BTAF1: variants seen among roughly 807,000 people sequenced by gnomAD.
BTAF1 encodes the protein TATA-binding protein-associated factor 172.
Under a neutral mutation model 227.1 loss-of-function variants are expected in BTAF1, and 38 were observed. The observed-to-expected ratio is 0.17, with a 90% confidence interval of 0.13 to 0.22. BTAF1 has a LOEUF of 0.22. BTAF1 is among the 10% of genes least tolerant of loss of function. BTAF1 has a pLI of 1.00. For synonymous variants in BTAF1, 742 were observed against 751.9 expected (o/e 0.99, Z 0.21); for missense variants, 1,598 against 2,204.0 (o/e 0.73, Z 5.51).
chr10:91,960,317 A>C (rs1032506681), intron 11 of BTAF1, among the ~76,000 whole-genome samples, 163 bp downstream of exon 11: 1 of 152,230 alleles, frequency 6.6e-6, no homozygotes, highest in Non-Finnish European at 1.5e-5. Flanking sequence ...GGTGGCGCTC[A>C]TAAGAATTTA....
At chr10:91,956,925 G>A (rs1017634659) in intron 7 of BTAF1, among the ~76,000 whole-genome samples, 1 of 152,098 alleles carries the variant, frequency 6.6e-6, no homozygotes, top group African/African-American at 2.4e-5. Flanking sequence ...GGGAGGCCGA[G>A]GTTGCAGTGA....
chr10:92,003,155 C>CAA lies in BTAF1; in HGVS notation c.3661-4954_3661-4953dup, dbSNP rs35416792. 3.2e-3 allele frequency among the ~76,000 whole-genome samples: 456 copies of CAA among 141,108 alleles called. 4 individuals carry two copies. The highest frequency in any genetic ancestry group is 0.011 in the Middle Eastern group (3 of 268). 92.6% of individuals were successfully genotyped at this position (141,108 alleles called of 152,430 possible). On this transcript the variant is annotated intron_variant, in intron 25 of 37. Coordinates refer to ENST00000265990, the MANE Select transcript of BTAF1 (RefSeq NM_003972.3). ...TGGGCGACAGAGTGAGACTCCGTCT[C>CAA]AAAAAAAAAAAAAAAGTTACGGCGT...
intron 20 of BTAF1, among the ~76,000 whole-genome samples, chr10:91,991,279 T>TATATATATATATATATATATATATAA (rs1256838673): frequency 0.053 from 5,202 of 97,630 alleles, 345 homozygotes; most frequent in Non-Finnish European, 0.092. Flanking sequence ...TAAATATATA[T>TATATATATATATATATATATATATAA]ATATATATAT....
At chr10:91,995,641 A>G (rs1465338005) in intron 23 of BTAF1, among the ~76,000 whole-genome samples, 1 of 151,536 alleles carries the variant, frequency 6.6e-6, no homozygotes, top group African/African-American at 2.4e-5. Context: ...GCGCCACTGC[A>G]CTCTAGCCTA....
intron 14 of BTAF1, 38 bp downstream of exon 14, chr10:91,966,795 T>C (rs1589830091): frequency 6.4e-7 from 1 of 1,566,528 alleles, no homozygotes; most frequent in East Asian, 2.3e-5. Flanking sequence ...GAAACTTATA[T>C]AAATTAATTT....
intron 1 of BTAF1, among the ~76,000 whole-genome samples, chr10:91,931,918 C>G (rs1177603929): frequency 2.0e-5 from 3 of 152,146 alleles, no homozygotes; most frequent in Non-Finnish European, 4.4e-5. Context: ...TTCCTCTATT[C>G]AGGGAGGCAA....
intron 25 of BTAF1, among the ~76,000 whole-genome samples, chr10:92,001,928 C>G (rs1251284652): frequency 1.8e-5 from 2 of 110,356 alleles, no homozygotes; most frequent in African/African-American, 7.1e-5. Flanking sequence ...CCCTGGACAA[C>G]ATGGTGAAAC....
intron 20 of BTAF1, among the ~76,000 whole-genome samples, chr10:91,991,227 C>G (rs1369226980): frequency 8.4e-6 from 1 of 119,074 alleles, no homozygotes; most frequent in African/African-American, 2.7e-5. Flanking sequence ...GCCTGGGCGA[C>G]AGGGCGAGAC....
intron 2 of BTAF1, among the ~76,000 whole-genome samples, chr10:91,939,649 G>A (rs1423807815): frequency 6.6e-6 from 1 of 152,144 alleles, no homozygotes; most frequent in Non-Finnish European, 1.5e-5. Context: ...TGTTGGCCAA[G>A]CTGGTCTTGA....
chr10:91,980,386 T>G, intron 14 of BTAF1, 68 bp from the exon 15 acceptor site: 1 of 1,159,436 alleles, frequency 8.6e-7, no homozygotes, highest in Non-Finnish European at 1.3e-6. Flanking sequence ...ATTTGACATA[T>G]AATTCTTCAG....
At chr10:91,948,301 T>A (rs1845526407) in intron 4 of BTAF1, among the ~76,000 whole-genome samples, 1 of 152,086 alleles carries the variant, frequency 6.6e-6, no homozygotes, top group Admixed American at 6.6e-5. Flanking sequence ...TTATCTTCCA[T>A]TAAGCTGTTA....
In BTAF1 at chr10:92,026,581, T is replaced by C. The variant is rs377726437; in HGVS notation, c.5076-11T>C. The C allele has an allele frequency of 1.1e-5, 18 of 1,589,170 alleles. No individual in the cohort carries two copies. Among genetic ancestry groups the C allele is most frequent in the South Asian group, 1.1e-4 (10 of 88,566 alleles). On this transcript the variant is annotated splice_polypyrimidine_tract_variant and intron_variant, in intron 35 of 37. Coordinates refer to ENST00000265990, the MANE Select transcript of BTAF1 (RefSeq NM_003972.3). ...GAATGGACTAATTTTATTTTTGTTATCTACTTTTAGGTTTAATAATGATCC... is the reference window on the plus strand; with the variant it reads ...GAATGGACTAATTTTATTTTTGTTACCTACTTTTAGGTTTAATAATGATCC...
rs555096915 is a variant in BTAF1 at position 91,993,714 on chromosome 10, A to G, written c.3066A>G (p.Val1022=). The G allele has an allele frequency of 3.2e-6, 5 of 1,569,072 alleles. No homozygotes were observed. The African/African-American group carries it at 5.4e-5, about 17-fold the overall frequency. ...TTAAGGCCCAGAAGCCTTACCTGGT[A>G]CAACGGAGAGGAGCTGAATTTGCTT... is the stretch of plus-strand genomic sequence containing the variant. ...ELDEAQKPYL[V]QRRGAEFALT... is the part of the protein sequence containing the mutation. Residue 1022 remains valine, a synonymous_variant, in exon 22 of 38, where the codon GTA becomes GTG. Coordinates refer to ENST00000265990, the MANE Select transcript of BTAF1 (RefSeq NM_003972.3).
chr10:91,945,348 A>G (rs1022523944), intron 4 of BTAF1, among the ~76,000 whole-genome samples: 1 of 152,170 alleles, frequency 6.6e-6, no homozygotes, highest in Non-Finnish European at 1.5e-5. Context: ...TTAAAACTTA[A>G]GTTTAGTAAT....
intron 18 of BTAF1, among the ~76,000 whole-genome samples, chr10:91,983,267 C>T (rs1003512532): frequency 6.6e-6 from 1 of 152,372 alleles, no homozygotes; most frequent in Middle Eastern, 3.4e-3. Flanking sequence ...GCCTCTTTAA[C>T]CGTTAACTTC....
At chr10:91,942,712 A>C (rs781693790) in intron 4 of BTAF1, 144 bp downstream of exon 4, 2 of 905,336 alleles carry the variant, frequency 2.2e-6, no homozygotes, top group Non-Finnish European at 3.3e-6. Flanking sequence ...GGGGGATGCT[A>C]TGAATGGGAG....
At chr10:91,939,531 C>T (rs750993176) in intron 2 of BTAF1, among the ~76,000 whole-genome samples, 2 of 152,142 alleles carry the variant, frequency 1.3e-5, no homozygotes, top group African/African-American at 4.8e-5. Context: ...CTCTGCCTCC[C>T]GGGTTCAAGT....
At chr10:91,937,714 T>G (rs1844730759) in intron 2 of BTAF1, among the ~76,000 whole-genome samples, 1 of 152,202 alleles carries the variant, frequency 6.6e-6, no homozygotes, top group Non-Finnish European at 1.5e-5. Flanking sequence ...TTTTCACTTT[T>G]TGGCTACTGT....
rs2676818 is a variant in BTAF1 at position 92,025,113 on chromosome 10, C to A, written c.5075+146C>A. ...TCACCCCAAATAAACCCCTTTTTAA[C>A]TATAGAACTACATAAATATAATCGA... On this transcript the variant is annotated intron_variant, in intron 35 of 37. Coordinates refer to ENST00000265990, the MANE Select transcript of BTAF1 (RefSeq NM_003972.3). The A allele has an allele frequency of 0.99, 667,263 of 676,408 alleles. 329,715 individuals carry two copies. Among genetic ancestry groups the A allele is most frequent in the East Asian group, 1 (36,385 of 36,386 alleles). 41.9% of individuals were successfully genotyped at this position (676,408 alleles called of 1,614,324 possible).
Sources: allele counts gnomAD v4.1 joint callset (sites outside exome capture counted in the v4.1 genomes callset), GRCh38; gene constraint gnomAD v4.1.1; transcripts MANE v1.5; gene names NCBI Gene and HGNC (gene_info 2026-07-23, HGNC 2026-07-21).